The following CACNA1D variants were observed in gnomAD, a reference collection of about 807,000 sequenced individuals.
CACNA1D encodes the protein voltage-dependent L-type calcium channel subunit alpha-1D.
A neutral mutation model predicts 257.1 loss-of-function variants in CACNA1D; 55 were observed. The observed-to-expected ratio is 0.21, with a 90% CI of 0.17 to 0.27. The LOEUF (loss-of-function observed/expected upper bound fraction) is 0.27. Among genes scored for constraint, CACNA1D ranks in the 10% least tolerant of loss-of-function variants. The pLI, the probability that CACNA1D is intolerant of heterozygous loss-of-function variation, is 1.00. For missense variants in CACNA1D, 1,876 were observed against 2,784.0 expected (o/e 0.67, Z 7.34); for synonymous variants, 980 against 1,014.9 (o/e 0.97, Z 0.65).
At chr3:53,664,190 C>G (rs573529210) in intron 5 of CACNA1D, among the ~76,000 whole-genome samples, 121 of 152,310 alleles carry the variant, frequency 7.9e-4, no homozygotes, top group Middle Eastern at 6.8e-3. Flanking sequence ...TCAACCTCCC[C>G]CTTCCCCTCC....
intron 8 of CACNA1D, among the ~76,000 whole-genome samples, chr3:53,692,484 G>T (rs1167400397): frequency 1.3e-5 from 2 of 152,126 alleles, no homozygotes; most frequent in African/African-American, 4.8e-5. Flanking sequence ...GGGGGAAGAG[G>T]TCAGAAAGGA....
At chr3:53,639,441 C>T (rs1006359101) in intron 3 of CACNA1D, among the ~76,000 whole-genome samples, 1 of 151,510 alleles carries the variant, frequency 6.6e-6, no homozygotes, top group African/African-American at 2.4e-5. Context: ...GGCTACAGTG[C>T]AGTGGCACAA....
At chr3:53,795,120 C>T (rs937970213) in intron 40 of CACNA1D, among the ~76,000 whole-genome samples, 3 of 152,188 alleles carry the variant, frequency 2.0e-5, no homozygotes, top group Admixed American at 1.3e-4. Flanking sequence ...TGCTGATCTG[C>T]AGGTGTGATG....
chr3:53,674,534 T>C (rs1305145510), intron 8 of CACNA1D, among the ~76,000 whole-genome samples: 2 of 152,344 alleles, frequency 1.3e-5, no homozygotes, highest in East Asian at 1.9e-4. Flanking sequence ...TCTCTATGGA[T>C]TGACTCTCCA....
At chr3:53,647,419 T>C (rs1366566076) in intron 3 of CACNA1D, among the ~76,000 whole-genome samples, 1 of 152,228 alleles carries the variant, frequency 6.6e-6, no homozygotes, top group Non-Finnish European at 1.5e-5. Context: ...AGAGGGTTCC[T>C]GCTGGCCCCT....
At chr3:53,671,632 G>A (rs1172402711) in intron 7 of CACNA1D, among the ~76,000 whole-genome samples, 3 of 152,338 alleles carry the variant, frequency 2.0e-5, no homozygotes, top group African/African-American at 7.2e-5. Context: ...TGTGCAGACT[G>A]ATATGAGTTC....
At position 53,769,854 on chromosome 3, in the gene CACNA1D, G is replaced by T. The variant is rs2095356700; in HGVS notation, c.3871-119G>T. 5 of 822,318 alleles carry T rather than the reference G, an allele frequency of 6.1e-6. No homozygotes were observed. The Admixed American group carries it at 6.8e-5, about 11-fold the overall frequency. The allele number at this position is 822,318 out of a possible 1,614,324, so 50.9% of individuals were successfully genotyped here. On this transcript the variant is annotated intron_variant, in intron 30 of 47. Coordinates refer to ENST00000350061, the MANE Select transcript of CACNA1D (RefSeq NM_001128840.3). The stretch of plus-strand genomic sequence containing the variant: ...AGCCACTGGTATTTTCTCAGGGAGG[G>T]AGCAGGTGTGGTGTCTAAAGATGGG...
intron 10 of CACNA1D, chr3:53,718,598 G>A (rs1039838624): frequency 1.9e-5 from 7 of 362,332 alleles, no homozygotes; most frequent in Non-Finnish European, 3.6e-5. Context: ...CCGCCCCCCG[G>A]CCCAGCATTT....
intron 3 of CACNA1D, among the ~76,000 whole-genome samples, chr3:53,610,147 C>T (rs1442665698): frequency 6.6e-6 from 1 of 152,088 alleles, no homozygotes; most frequent in Admixed American, 6.5e-5. Context: ...TGTTTTGTGG[C>T]CCAGCATATT....
At chr3:53,557,594 A>C (rs189905782) in intron 3 of CACNA1D, among the ~76,000 whole-genome samples, 22 of 152,338 alleles carry the variant, frequency 1.4e-4, no homozygotes, top group African/African-American at 5.3e-4. Context: ...TTTGCATATG[A>C]ATGTTCAGTG....
intron 8 of CACNA1D, among the ~76,000 whole-genome samples, chr3:53,700,741 G>C (rs1022253137): frequency 2.6e-5 from 4 of 152,128 alleles, no homozygotes; most frequent in African/African-American, 7.2e-5. Flanking sequence ...TTATTCACAG[G>C]GGGTGGAGTG....
At chr3:53,687,223 G>A (rs912768666) in intron 8 of CACNA1D, among the ~76,000 whole-genome samples, 2 of 151,960 alleles carry the variant, frequency 1.3e-5, no homozygotes, top group Non-Finnish European at 2.9e-5. Context: ...ATTGAATGTT[G>A]TCCCATTTAT....
chr3:53,632,410 G>C (rs1473937327), intron 3 of CACNA1D, among the ~76,000 whole-genome samples: 1 of 152,218 alleles, frequency 6.6e-6, no homozygotes, highest in African/African-American at 2.4e-5. Context: ...GGGCTGGTTT[G>C]ATCTTCTGTC....
At chr3:53,799,654 G>A (rs1451335810) in intron 40 of CACNA1D, among the ~76,000 whole-genome samples, 2 of 152,232 alleles carry the variant, frequency 1.3e-5, no homozygotes, top group Non-Finnish European at 2.9e-5. Flanking sequence ...CCGGGTCGGT[G>A]TGCGTGTCAG....
chr3:53,779,651 C>T (rs1346074098), intron 37 of CACNA1D, among the ~76,000 whole-genome samples: 2 of 152,014 alleles, frequency 1.3e-5, no homozygotes. Context: ...TTAATCAGGC[C>T]TATAGAGAGA....
At chr3:53,704,448 G>T (rs1003038646) in intron 9 of CACNA1D, among the ~76,000 whole-genome samples, 18 of 152,210 alleles carry the variant, frequency 1.2e-4, no homozygotes, top group African/African-American at 4.3e-4. Context: ...CTAACTGTTT[G>T]CTGAATGCAA....
In CACNA1D at chr3:53,811,294, G is replaced by A. The variant is rs753048719; in HGVS notation, c.6374G>A (p.Arg2125Gln). The change falls in exon 48 of 48, where the codon CGG becomes CAG. Residue 2125 changes from arginine to glutamine, a missense_variant. Arg to Gln is a conservative substitution (Grantham distance 43). This residue lies in a region of CACNA1D where 491 missense variants were observed against 554.3 expected (regional missense o/e 0.89). Coordinates refer to ENST00000350061, the MANE Select transcript of CACNA1D (RefSeq NM_001128840.3). This position sits in a 1 kb window ranked among gnomAD's most constrained non-coding sequence, Gnocchi z 4.2. ...GGGGATGTGGGCCCCCTCTCACACC[G>A]GCAGGACTATGAGCTACAGGACTTT... ...ANGDVGPLSH[R>Q]QDYELQDFGP... 18 of 1,613,632 alleles carry A rather than the reference G, an allele frequency of 1.1e-5. No homozygotes were observed. The highest frequency in any genetic ancestry group is 5.0e-5 in the Admixed American group (3 of 59,992).
At chr3:53,648,643 G>GCTCT (rs2094049083) in intron 3 of CACNA1D, among the ~76,000 whole-genome samples, 1 of 152,058 alleles carries the variant, frequency 6.6e-6, no homozygotes, top group African/African-American at 2.4e-5. Flanking sequence ...CATCCTCGTA[G>GCTCT]CTCTGAGCGT....
intron 3 of CACNA1D, among the ~76,000 whole-genome samples, chr3:53,584,181 A>G (rs1291469079): frequency 6.6e-6 from 1 of 152,112 alleles, no homozygotes; most frequent in African/African-American, 2.4e-5. Flanking sequence ...TATCTGGGCC[A>G]TTCTCATTCA....
Sources: gnomAD v4.1 joint callset for allele counts (sites outside exome capture counted in the v4.1 genomes callset) on GRCh38, gnomAD v4.1.1 for gene constraint, gnomAD v4.1.1 regional missense constraint, Gnocchi (gnomAD v3.1) non-coding constraint, MANE v1.5 for transcripts, NCBI Gene and HGNC (gene_info 2026-07-23, HGNC 2026-07-21) for gene names.